Variants in OSBPL9 observed in about 807,000 individuals in gnomAD.
OSBPL9 encodes oxysterol binding protein like 9.
A neutral mutation model predicts 106.6 loss-of-function variants in OSBPL9; 40 were observed. The ratio of observed to expected loss-of-function variants is 0.38; its 90% CI spans 0.29 to 0.49. The LOEUF is 0.49. Among genes scored for constraint, OSBPL9 ranks in the 20% least tolerant of loss-of-function variants. OSBPL9 has a pLI of 0.97. For synonymous variants in OSBPL9, 269 were observed against 295.4 expected, an observed-to-expected ratio of 0.91 and a Z score of 0.92; for missense variants, 609 against 887.2, an observed-to-expected ratio of 0.69 and a Z score of 3.98.
At chr1:51,676,236 C>G (rs1395074672) in intron 3 of OSBPL9, among the ~76,000 whole-genome samples, 2 of 152,010 alleles carry the variant, frequency 1.3e-5, no homozygotes, top group Non-Finnish European at 2.9e-5. Context: ...TTGAGACCAG[C>G]CTGGCCAATA....
chr1:51,519,275 T>A, the OSBPL9 span: 7 of 841,168 alleles, frequency 8.3e-6, no homozygotes, highest in African/African-American at 3.2e-5. Context: ...ACGGGCTGAC[T>A]GGGGCTCGGG....
At chr1:51,632,221 G>A (rs1645152390) in intron 1 of OSBPL9, among the ~76,000 whole-genome samples, 1 of 151,988 alleles carries the variant, frequency 6.6e-6, no homozygotes, top group African/African-American at 2.4e-5. Context: ...GTACATAATT[G>A]TATGTGCTAT....
At chr1:51,782,446 A>G (rs548007817) in intron 16 of OSBPL9, 113 bp from the exon 17 acceptor site, 497 of 697,354 alleles carry the variant, frequency 7.1e-4, no homozygotes, top group Middle Eastern at 1.5e-3. Context: ...ATAGAAATAT[A>G]TATATAGGGT....
chr1:51,701,600 T>G (rs1329352519), intron 3 of OSBPL9, among the ~76,000 whole-genome samples: 1 of 151,048 alleles, frequency 6.6e-6, no homozygotes, highest in East Asian at 1.9e-4. Flanking sequence ...TATATGGTTC[T>G]TTTTTTTTGG....
At chr1:51,599,542 A>T (rs1193703453) in intron 2 of OSBPL9, among the ~76,000 whole-genome samples, 9 of 152,154 alleles carry the variant, frequency 5.9e-5, no homozygotes, top group Admixed American at 5.9e-4. Flanking sequence ...TCATGCTTAG[A>T]TCAGAGATTT....
chr1:51,637,319 C>T (rs1422804843), intron 1 of OSBPL9, among the ~76,000 whole-genome samples: 8 of 151,956 alleles, frequency 5.3e-5, no homozygotes, highest in Non-Finnish European at 1.0e-4. Flanking sequence ...GGTGAATCAC[C>T]GTCTCTACTA....
intron 1 of OSBPL9, among the ~76,000 whole-genome samples, chr1:51,642,064 A>G (rs1414861273): frequency 6.6e-6 from 1 of 152,188 alleles, no homozygotes; most frequent in Admixed American, 6.5e-5. Context: ...AGACTTAGTA[A>G]CACACTAAAA....
At position 51,593,622 on chromosome 1, in the gene OSBPL9, T is replaced by G. The variant is rs1245597577; in HGVS notation, c.-422-4502T>G. Among the ~76,000 whole-genome samples the G allele has an allele frequency of 5.3e-5, 8 of 152,198 alleles. No individual in the cohort carries two copies. The South Asian group carries it at 1.2e-3, about 24-fold the overall frequency. On this transcript the variant is annotated intron_variant, in intron 1 of 25. Transcript: ENST00000371714. ...TTCGAAACATTGCTTAAGTTTCGCCTTCTCCCTGAAGCTTTCCTGTCCAGG... is the reference window on the plus strand; with the variant it reads ...TTCGAAACATTGCTTAAGTTTCGCCGTCTCCCTGAAGCTTTCCTGTCCAGG...
At chr1:51,694,094 T>C (rs1404578636) in intron 3 of OSBPL9, among the ~76,000 whole-genome samples, 1 of 152,230 alleles carries the variant, frequency 6.6e-6, no homozygotes. Context: ...TTGTACACTT[T>C]TTAATGTTAT....
intron 12 of OSBPL9, among the ~76,000 whole-genome samples, chr1:51,771,453 G>T (rs1207030721): frequency 6.6e-6 from 1 of 152,054 alleles, no homozygotes; most frequent in East Asian, 1.9e-4. Flanking sequence ...AACATAAGGA[G>T]ACCTTGTCTC....
intron 3 of OSBPL9, among the ~76,000 whole-genome samples, chr1:51,703,846 G>T (rs943367088): frequency 1.2e-4 from 18 of 152,164 alleles, no homozygotes; most frequent in African/African-American, 4.1e-4. Flanking sequence ...TTAGCATGAA[G>T]GGTTGTTGAA....
chr1:51,731,859 C>T (rs1664536654), intron 4 of OSBPL9, among the ~76,000 whole-genome samples: 1 of 151,256 alleles, frequency 6.6e-6, no homozygotes, highest in Non-Finnish European at 1.5e-5. Context: ...AGAAAGACAA[C>T]AGACAAGTTT....
At chr1:51,660,068 T>C (rs1647042885) in intron 2 of OSBPL9, among the ~76,000 whole-genome samples, 1 of 152,068 alleles carries the variant, frequency 6.6e-6, no homozygotes, top group Non-Finnish European at 1.5e-5. Flanking sequence ...TGGTATATGA[T>C]AGAGCGTTAC....
intron 4 of OSBPL9, among the ~76,000 whole-genome samples, chr1:51,731,284 A>G (rs1664337638): frequency 1.3e-5 from 2 of 151,892 alleles, no homozygotes; most frequent in African/African-American, 4.8e-5. Context: ...CCCTGCCCCA[A>G]TAAAAATTTA....
chr1:51,775,130 GATTATGA>G (rs1359542026), intron 14 of OSBPL9, among the ~76,000 whole-genome samples: 1 of 152,024 alleles, frequency 6.6e-6, no homozygotes, highest in East Asian at 1.9e-4. Flanking sequence ...ACCCTATTTG[GATTATGA>G]ATTTACATGT....
At chr1:51,711,020 C>A (rs1018000206) in intron 3 of OSBPL9, among the ~76,000 whole-genome samples, 1 of 151,362 alleles carries the variant, frequency 6.6e-6, no homozygotes, top group African/African-American at 2.4e-5. Context: ...CTTACCCTTA[C>A]TTCTATATTT....
chr1:51,710,936 C>T (rs899168100), intron 3 of OSBPL9, among the ~76,000 whole-genome samples: 20 of 152,246 alleles, frequency 1.3e-4, no homozygotes, highest in Middle Eastern at 6.8e-3. Context: ...ACAGTGCTTC[C>T]GTGCCATGCT....
intron 1 of OSBPL9, among the ~76,000 whole-genome samples, chr1:51,592,962 G>A (rs1310960698): frequency 2.0e-5 from 3 of 152,144 alleles, no homozygotes; most frequent in African/African-American, 2.4e-5. Flanking sequence ...CACAAGATTA[G>A]CCTCAAAGGG....
chr1:51,667,417 T>G (rs1648783606), intron 2 of OSBPL9, among the ~76,000 whole-genome samples: 1 of 152,158 alleles, frequency 6.6e-6, no homozygotes, highest in African/African-American at 2.4e-5. Flanking sequence ...CTACTGTCAG[T>G]CTATGAATTT....
Sources: gnomAD v4.1 joint callset for allele counts (sites outside exome capture counted in the v4.1 genomes callset) on GRCh38, gnomAD v4.1.1 for gene constraint, MANE v1.5 for transcripts, NCBI Gene and HGNC (gene_info 2026-07-23, HGNC 2026-07-21) for gene names.